Variants in ABCA1 observed in about 807,000 individuals in gnomAD.
The protein encoded by ABCA1 is phospholipid-transporting ATPase ABCA1.
Under a neutral mutation model 262.5 loss-of-function variants are expected in ABCA1, and 133 were observed. The observed-to-expected ratio is 0.51, with a 90% CI of 0.44 to 0.59. The LOEUF (loss-of-function observed/expected upper bound fraction) is 0.59, where lower values mean the gene tolerates loss of function less well. Among genes scored for constraint, ABCA1 ranks in the 20% least tolerant of loss-of-function variants. The probability of loss-of-function intolerance (pLI) is 0.00; values close to 1 mark genes in which losing one functional copy is unlikely to be tolerated. For synonymous variants in ABCA1, 1,022 were observed against 1,043.5 expected (o/e 0.98, Z 0.40); for missense variants, 2,452 against 2,777.5 (o/e 0.88, Z 2.63).
At chr9:104,913,909 C>T (rs1841661281) in intron 1 of ABCA1, among the ~76,000 whole-genome samples, 1 of 152,118 alleles carries the variant, frequency 6.6e-6, no homozygotes, top group African/African-American at 2.4e-5. Context: ...CATTCTCCTG[C>T]CTCAGCCTCC....
chr9:104,835,036 G>A (rs1393032807), intron 11 of ABCA1, among the ~76,000 whole-genome samples: 5 of 152,048 alleles, frequency 3.3e-5, no homozygotes, highest in Non-Finnish European at 7.4e-5. Context: ...ATCACTTGAG[G>A]TCAGGAGTTC....
chr9:104,819,260 C>T (rs2118963474), intron 22 of ABCA1, among the ~76,000 whole-genome samples: 1 of 152,304 alleles, frequency 6.6e-6, no homozygotes, highest in South Asian at 2.1e-4. Context: ...GGCTCCAAGC[C>T]TGCCTGTGCT....
intron 36 of ABCA1, 78 bp from the exon 37 acceptor site, chr9:104,798,676 A>G: frequency 7.9e-7 from 1 of 1,258,658 alleles, no homozygotes; most frequent in Non-Finnish European, 1.1e-6. Context: ...ATGGACACAC[A>G]GACAAACACA....
At chr9:104,809,333 T>A in intron 30 of ABCA1, 133 bp downstream of exon 30, 1 of 930,460 alleles carries the variant, frequency 1.1e-6, no homozygotes. Context: ...TTTTTGTAAA[T>A]AAAACATAAT....
At chr9:104,797,725 G>A (rs180689148) in intron 37 of ABCA1, among the ~76,000 whole-genome samples, 2 of 152,330 alleles carry the variant, frequency 1.3e-5, no homozygotes, top group East Asian at 3.9e-4. Flanking sequence ...GTTACAAGGT[G>A]TATTCTCATA....
chr9:104,886,684 T>C (rs13290420), intron 3 of ABCA1, among the ~76,000 whole-genome samples: 23,903 of 152,222 alleles, frequency 0.16, 2,300 homozygotes, highest in African/African-American at 0.27. Flanking sequence ...TTAGCAGGGG[T>C]GGCAAAGGCC....
intron 1 of ABCA1, among the ~76,000 whole-genome samples, chr9:104,922,430 T>G (rs915233388): frequency 2.0e-5 from 3 of 152,202 alleles, no homozygotes; most frequent in Non-Finnish European, 4.4e-5. Flanking sequence ...GAAGCCAAAC[T>G]GTCTGGGATG....
chr9:104,905,955 T>C (rs1383423704), intron 1 of ABCA1, among the ~76,000 whole-genome samples: 4 of 152,088 alleles, frequency 2.6e-5, no homozygotes, highest in African/African-American at 9.7e-5. Context: ...AATTTCCTCA[T>C]GGTAAAATAA....
intron 15 of ABCA1, among the ~76,000 whole-genome samples, chr9:104,828,583 A>G (rs371622045): frequency 1.3e-5 from 2 of 152,322 alleles, no homozygotes; most frequent in East Asian, 3.9e-4. Context: ...TCGCCACCCA[A>G]TATATCTAAG....
intron 1 of ABCA1, among the ~76,000 whole-genome samples, chr9:104,917,008 C>T (rs1188740814): frequency 1.3e-5 from 2 of 152,126 alleles, no homozygotes. Flanking sequence ...CTATTTTCTC[C>T]CACATTGCTG....
chr9:104,806,188 T>TACC, intron 31 of ABCA1, 53 bp downstream of exon 31: 1 of 1,567,310 alleles, frequency 6.4e-7, no homozygotes, highest in Non-Finnish European at 8.8e-7. Flanking sequence ...AAGCGGAAGC[T>TACC]ACCAGCCCAT....
intron 1 of ABCA1, among the ~76,000 whole-genome samples, chr9:104,920,380 G>A (rs941413865): frequency 3.3e-5 from 5 of 152,042 alleles, no homozygotes; most frequent in African/African-American, 7.2e-5. Flanking sequence ...AATATGAATT[G>A]GTGATCTAGA....
chr9:104,875,856 C>T (rs1279873517), intron 5 of ABCA1, among the ~76,000 whole-genome samples: 3 of 152,108 alleles, frequency 2.0e-5, no homozygotes, highest in Non-Finnish European at 4.4e-5. Context: ...TGTGTATGTA[C>T]CCCCAGAAAC....
chr9:104,909,616 ACACACACAC>A (rs1841377247), intron 1 of ABCA1, among the ~76,000 whole-genome samples: 1 of 65,706 alleles, frequency 1.5e-5, no homozygotes, highest in East Asian at 1.3e-3. Context: ...ATACACACAC[ACACACACAC>A]ACACACACAC....
rs747924509 is a variant in ABCA1, at chr9:104,806,415, C to T, written c.4290G>A (p.Gln1430=). 2.4e-5 allele frequency: 38 copies of T among 1,614,060 alleles called. No individual in the cohort carries two copies. In the African/African-American group the frequency reaches 4.4e-4, roughly 19 times the overall value. Residue 1430 remains glutamine, a synonymous_variant, in exon 31 of 50, where the codon CAG becomes CAA. Coordinates refer to ENST00000374736, the MANE Select transcript of ABCA1 (RefSeq NM_005502.4). ...EGNPIPDTPC[Q]AGEEEWTTAP... ...CAGTGGTCCACTCTTCCTCCCCTGC[C>T]TGGCAGGGCGTGTCTCTGCAAAGGG...
intron 1 of ABCA1, among the ~76,000 whole-genome samples, chr9:104,927,164 C>T (rs995984853): frequency 2.0e-5 from 3 of 150,216 alleles, no homozygotes; most frequent in Non-Finnish European, 3.0e-5. Context: ...GAGCGGAGAT[C>T]GTTCCATTGC....
At chr9:104,807,196 G>A (rs1830843911) in intron 30 of ABCA1, among the ~76,000 whole-genome samples, 1 of 152,166 alleles carries the variant, frequency 6.6e-6, no homozygotes, top group Admixed American at 6.5e-5. Context: ...GCTGAAAAAT[G>A]AGTAGAGACT....
chr9:104,875,352 A>C (rs968726433), intron 5 of ABCA1, among the ~76,000 whole-genome samples: 1 of 91,314 alleles, frequency 1.1e-5, no homozygotes, highest in Non-Finnish European at 2.4e-5. Context: ...ACTCCATCTC[A>C]AAAAAAAAAA....
chr9:104,880,090 A>G (rs961011497), intron 5 of ABCA1, among the ~76,000 whole-genome samples: 1 of 152,210 alleles, frequency 6.6e-6, no homozygotes, highest in Non-Finnish European at 1.5e-5. Context: ...AGAATGGGCT[A>G]CTTAGTGAGT....
Sources: gnomAD v4.1 joint callset for allele counts (sites outside exome capture counted in the v4.1 genomes callset) on GRCh38, gnomAD v4.1.1 for gene constraint, MANE v1.5 for transcripts, NCBI Gene and HGNC (gene_info 2026-07-23, HGNC 2026-07-21) for gene names.